Variants in PTPRD observed in about 807,000 individuals in gnomAD.
The protein encoded by PTPRD is receptor-type tyrosine-protein phosphatase delta.
Under a neutral mutation model 214.5 loss-of-function variants are expected in PTPRD, and 34 were observed. That is an observed-to-expected ratio of 0.16 (90% CI 0.12 to 0.21). The LOEUF (loss-of-function observed/expected upper bound fraction) is 0.21. Among genes scored for constraint, PTPRD ranks in the 10% least tolerant of loss-of-function variants. The pLI is 1.00. For synonymous variants in PTPRD, 1,128 were observed against 845.7 expected (o/e 1.33, Z -5.79); for missense variants, 2,545 against 2,398.7 (o/e 1.06, Z -1.27).
intron 8 of PTPRD, among the ~76,000 whole-genome samples, chr9:9,487,322 GTC>G (rs2095689649): frequency 6.9e-6 from 1 of 144,714 alleles, no homozygotes; most frequent in Non-Finnish European, 1.5e-5. Context: ...TTAGTTTTTT[GTC>G]CTTGCGATAG....
intron 3 of PTPRD, among the ~76,000 whole-genome samples, chr9:10,040,252 G>A (rs780821175): frequency 8.5e-4 from 130 of 152,060 alleles, no homozygotes; most frequent in Middle Eastern, 6.8e-3. Context: ...TTTTGTTGTC[G>A]TTTGATGTTA....
chr9:10,564,589 A>T (rs919092109), intron 2 of PTPRD, among the ~76,000 whole-genome samples: 119 of 152,212 alleles, frequency 7.8e-4, no homozygotes, highest in Non-Finnish European at 8.8e-4. Context: ...TCTAGCCTCA[A>T]TGGAGGCAAC....
chr9:8,704,001 T>A (rs1031568169), intron 12 of PTPRD, among the ~76,000 whole-genome samples: 1 of 152,190 alleles, frequency 6.6e-6, no homozygotes, highest in Non-Finnish European at 1.5e-5. Context: ...CATTTCCTTA[T>A]ATACTCACCC....
At chr9:8,413,386 A>C (rs1311004190) in intron 35 of PTPRD, among the ~76,000 whole-genome samples, 1 of 152,194 alleles carries the variant, frequency 6.6e-6, no homozygotes, top group Non-Finnish European at 1.5e-5. Flanking sequence ...GAAAGAGATA[A>C]AAATTCTACA....
chr9:9,379,645 T>C (rs543081037), intron 9 of PTPRD, among the ~76,000 whole-genome samples: 1 of 152,082 alleles, frequency 6.6e-6, no homozygotes, highest in Non-Finnish European at 1.5e-5. Flanking sequence ...CATCTTGATA[T>C]TATATCTTCC....
chr9:9,459,394 G>C (rs1241406454), intron 8 of PTPRD, among the ~76,000 whole-genome samples: 1 of 152,028 alleles, frequency 6.6e-6, no homozygotes, highest in East Asian at 1.9e-4. Context: ...ATCTAAATTG[G>C]AAGAGAGAAA....
At chr9:9,165,710 G>C (rs1388372060) in intron 10 of PTPRD, among the ~76,000 whole-genome samples, 1 of 151,816 alleles carries the variant, frequency 6.6e-6, no homozygotes, top group Admixed American at 6.6e-5. Flanking sequence ...TTTCACGGGG[G>C]GCCACATATT....
chr9:9,637,557 G>A (rs1293793778), intron 7 of PTPRD, among the ~76,000 whole-genome samples: 3 of 152,200 alleles, frequency 2.0e-5, no homozygotes, highest in Non-Finnish European at 4.4e-5. Flanking sequence ...ACACTGGGGT[G>A]GATGTGGTTC....
At chr9:10,593,942 C>T (rs2076075002) in intron 2 of PTPRD, among the ~76,000 whole-genome samples, 1 of 151,954 alleles carries the variant, frequency 6.6e-6, no homozygotes, top group African/African-American at 2.4e-5. Context: ...AATGCCATTA[C>T]AGTTTTCTGC....
intron 3 of PTPRD, among the ~76,000 whole-genome samples, chr9:10,120,394 A>T (rs1383168885): frequency 2.0e-5 from 3 of 151,982 alleles, no homozygotes; most frequent in African/African-American, 7.2e-5. Context: ...TCCTCACTTC[A>T]TTGGTGAGGA....
chr9:10,065,391 G>C (rs2097859080), intron 3 of PTPRD, among the ~76,000 whole-genome samples: 1 of 151,804 alleles, frequency 6.6e-6, no homozygotes, highest in Admixed American at 6.6e-5. Context: ...ATGCAGCTTT[G>C]TTGTGGTCAG....
At chr9:10,505,776 G>A (rs2045739721) in intron 2 of PTPRD, among the ~76,000 whole-genome samples, 1 of 151,944 alleles carries the variant, frequency 6.6e-6, no homozygotes, top group African/African-American at 2.4e-5. Context: ...CATTGCTATT[G>A]AGGAAAAAGC....
At chr9:9,281,612 G>A (rs1200484766) in intron 9 of PTPRD, among the ~76,000 whole-genome samples, 1 of 151,302 alleles carries the variant, frequency 6.6e-6, no homozygotes, top group Admixed American at 6.6e-5. Flanking sequence ...ATTCTGGTAA[G>A]GATGTGGAAC....
chr9:10,512,868 T>C (rs943125084), intron 2 of PTPRD, among the ~76,000 whole-genome samples: 2 of 151,294 alleles, frequency 1.3e-5, no homozygotes, highest in African/African-American at 4.9e-5. Flanking sequence ...TGCACTGGAG[T>C]TGAAACTGTC....
chr9:9,831,135 G>A (rs2054689036), intron 5 of PTPRD, among the ~76,000 whole-genome samples: 1 of 151,876 alleles, frequency 6.6e-6, no homozygotes, highest in Non-Finnish European at 1.5e-5. Context: ...TCGTCATTAA[G>A]CACTATGAAG....
intron 3 of PTPRD, among the ~76,000 whole-genome samples, chr9:10,282,982 T>G (rs2154395316): frequency 6.6e-6 from 1 of 152,278 alleles, no homozygotes; most frequent in South Asian, 2.1e-4. Flanking sequence ...AATTCATTTT[T>G]TCATTAATAT....
chr9:10,088,118 G>C (rs968912999), intron 3 of PTPRD, among the ~76,000 whole-genome samples: 3 of 151,686 alleles, frequency 2.0e-5, no homozygotes, highest in African/African-American at 7.2e-5. Context: ...CTAGTTTGTA[G>C]TAAGAAAAAA....
intron 2 of PTPRD, among the ~76,000 whole-genome samples, chr9:10,490,114 A>G (rs1015857685): frequency 1.3e-5 from 2 of 152,184 alleles, no homozygotes; most frequent in Admixed American, 6.5e-5. Context: ...TAGTCAATTT[A>G]AAGTAGGCTT....
chr9:9,426,280 G>A (rs867126802), intron 8 of PTPRD, among the ~76,000 whole-genome samples: 2 of 152,172 alleles, frequency 1.3e-5, no homozygotes, highest in Non-Finnish European at 2.9e-5. Context: ...TGGCTCAGAG[G>A]GTCCCACGCC....
Sources: gnomAD v4.1 joint callset for allele counts (sites outside exome capture counted in the v4.1 genomes callset) on GRCh38, gnomAD v4.1.1 for gene constraint, MANE v1.5 for transcripts, NCBI Gene and HGNC (gene_info 2026-07-23, HGNC 2026-07-21) for gene names.